The following USP25 variants were observed in gnomAD, a reference collection of about 807,000 sequenced individuals.
USP25 encodes the protein ubiquitin carboxyl-terminal hydrolase 25.
USP25 carries 85 observed loss-of-function variants against 158.5 expected under a neutral mutation model. The ratio of observed to expected loss-of-function variants is 0.54; its 90% confidence interval spans 0.45 to 0.64. The LOEUF is 0.64. USP25 is among the 30% of genes least tolerant of loss of function. USP25 has a pLI of 0.00. For synonymous variants in USP25, 464 were observed against 460.4 expected (o/e 1.01, Z -0.10); for missense variants, 1,242 against 1,327.3 (o/e 0.94, Z 1.00).
chr21:15,878,393 C>T lies in USP25; in HGVS notation c.3296C>T (p.Pro1099Leu), dbSNP rs1359136097. 1 of 1,614,036 alleles carries T rather than the reference C, an allele frequency of 6.2e-7. No individual in the cohort carries two copies. Among genetic ancestry groups the T allele is most frequent in the Non-Finnish European group, 8.5e-7 (1 of 1,179,954 alleles). The part of the protein sequence containing the change: ...IKSFHEPPKL[P>L]SYSTHELCER... The stretch of plus-strand genomic sequence containing the variant: ...AGTTTCCATGAGCCACCGAAGTTAC[C>T]TTCATATTCCACGCATGAACTCTGT... Residue 1099 changes from proline to leucine, a missense_variant, in exon 26 of 26, where the codon CCT becomes CTT. Physicochemically the swap from Pro to Leu is moderately conservative, Grantham distance 98. This residue lies in a region of USP25 where 608 missense variants were observed against 605.2 expected (regional missense o/e 1.00). Coordinates refer to ENST00000400183, the MANE Select transcript of USP25 (RefSeq NM_001283041.3).
chr21:15,791,385 T>C, intron 4 of USP25, 117 bp from the exon 5 acceptor site: 1 of 1,111,708 alleles, frequency 9.0e-7, no homozygotes, highest in Non-Finnish European at 1.2e-6. Context: ...GTATTAAATA[T>C]TATTTCTTCA....
intron 1 of USP25, among the ~76,000 whole-genome samples, chr21:15,736,929 C>T (rs527600646): frequency 1.6e-4 from 24 of 147,570 alleles, no homozygotes; most frequent in African/African-American, 5.0e-4. Flanking sequence ...TTTTTTTTTC[C>T]AGATAAGTTA....
intron 23 of USP25, among the ~76,000 whole-genome samples, chr21:15,871,466 T>C (rs997199005): frequency 3.9e-5 from 6 of 152,194 alleles, no homozygotes; most frequent in Admixed American, 1.3e-4. Flanking sequence ...TTCACAGAGA[T>C]GTAGTAACTT....
chr21:15,774,347 CA>C (rs2123477164), intron 3 of USP25, among the ~76,000 whole-genome samples: 1 of 152,290 alleles, frequency 6.6e-6, no homozygotes, highest in East Asian at 1.9e-4. Flanking sequence ...TATCACCACT[CA>C]TATACAAGCC....
chr21:15,851,743 C>T (rs1378867643), intron 20 of USP25, among the ~76,000 whole-genome samples: 1 of 151,926 alleles, frequency 6.6e-6, no homozygotes, highest in African/African-American at 2.4e-5. Context: ...TAAATCTCCT[C>T]TCATTCTGCC....
intron 1 of USP25, among the ~76,000 whole-genome samples, chr21:15,742,097 AAGAT>A (rs957830743): frequency 6.6e-6 from 1 of 150,642 alleles, no homozygotes. Context: ...ATTGGGCAGA[AAGAT>A]ACTTCCTTTT....
intron 6 of USP25, among the ~76,000 whole-genome samples, chr21:15,801,563 A>G (rs1390018296): frequency 6.6e-6 from 1 of 151,530 alleles, no homozygotes; most frequent in Non-Finnish European, 1.5e-5. Flanking sequence ...AAGCAAATGG[A>G]TTTATAGATA....
At chr21:15,749,738 A>G (rs2032840710) in intron 1 of USP25, among the ~76,000 whole-genome samples, 1 of 152,234 alleles carries the variant, frequency 6.6e-6, no homozygotes, top group African/African-American at 2.4e-5. Context: ...AGATCTTATA[A>G]AGGAGGTAAT....
chr21:15,822,781 A>G (rs547591083), intron 10 of USP25, among the ~76,000 whole-genome samples: 3 of 152,152 alleles, frequency 2.0e-5, no homozygotes, highest in Admixed American at 1.3e-4. Flanking sequence ...AACTTTGCTA[A>G]TCAAATTTTA....
intron 5 of USP25, among the ~76,000 whole-genome samples, chr21:15,793,308 T>A (rs1296314144): frequency 1.3e-5 from 2 of 151,642 alleles, no homozygotes; most frequent in Non-Finnish European, 3.0e-5. Context: ...TTTGAAATGA[T>A]AAATGCTGAT....
intron 22 of USP25, 40 bp downstream of exon 22, chr21:15,866,384 A>T: frequency 7.0e-7 from 1 of 1,426,586 alleles, no homozygotes. Flanking sequence ...AGATTTAGGG[A>T]TTCTGTAATT....
chr21:15,833,041 CA>C (rs1002713498), intron 16 of USP25, among the ~76,000 whole-genome samples: 2 of 151,860 alleles, frequency 1.3e-5, no homozygotes, highest in Non-Finnish European at 1.5e-5. Flanking sequence ...ACAACAGCAA[CA>C]AAAAACTTGG....
At chr21:15,808,546 T>TTGTGTGTGTGTGTGTGTGTGTG (rs35849786) in intron 7 of USP25, among the ~76,000 whole-genome samples, 7 of 148,480 alleles carry the variant, frequency 4.7e-5, no homozygotes, top group South Asian at 2.1e-4. Context: ...TGGTTTTTGA[T>TTGTGTGTGTGTGTGTGTGTGTG]TGTGTGTGTG....
chr21:15,781,251 C>G (rs896109017), intron 4 of USP25, among the ~76,000 whole-genome samples: 2 of 152,178 alleles, frequency 1.3e-5, no homozygotes, highest in African/African-American at 2.4e-5. Context: ...ACATGTCTGA[C>G]AAGTAGTGGT....
At chr21:15,751,310 C>T (rs1407470088) in intron 1 of USP25, among the ~76,000 whole-genome samples, 1 of 152,074 alleles carries the variant, frequency 6.6e-6, no homozygotes, top group East Asian at 1.9e-4. Context: ...AATGGAGTTT[C>T]CAAGAGACCA....
chr21:15,757,718 C>G (rs367557260), intron 1 of USP25, among the ~76,000 whole-genome samples: 50 of 152,274 alleles, frequency 3.3e-4, no homozygotes, highest in Middle Eastern at 3.4e-3. Context: ...CCCAGCGATG[C>G]AGGTAGTTTC....
At chr21:15,737,212 T>G (rs867147383) in intron 1 of USP25, among the ~76,000 whole-genome samples, 3 of 152,142 alleles carry the variant, frequency 2.0e-5, no homozygotes, top group Non-Finnish European at 4.4e-5. Context: ...TTTAGTTTGA[T>G]TATCTAGATT....
chr21:15,784,721 T>A (rs1449197569), intron 4 of USP25, among the ~76,000 whole-genome samples: 1 of 152,166 alleles, frequency 6.6e-6, no homozygotes, highest in Non-Finnish European at 1.5e-5. Flanking sequence ...ACTGTAAGAC[T>A]CTTCATGTTA....
At chr21:15,813,070 A>G (rs549409931) in intron 9 of USP25, among the ~76,000 whole-genome samples, 26 of 146,072 alleles carry the variant, frequency 1.8e-4, no homozygotes, top group Admixed American at 4.2e-4. Flanking sequence ...TAAGCTGTTC[A>G]TCTTTTCTGT....
Sources: gnomAD v4.1 joint callset for allele counts (sites outside exome capture counted in the v4.1 genomes callset) on GRCh38, gnomAD v4.1.1 for gene constraint, gnomAD v4.1.1 regional missense constraint, MANE v1.5 for transcripts, NCBI Gene and HGNC (gene_info 2026-07-23, HGNC 2026-07-21) for gene names.